The following PARM1 variants were observed in gnomAD, a reference collection of about 807,000 sequenced individuals.
PARM1 encodes WSC4, cell wall integrity and stress response component 4 homolog.
In PARM1, 14 loss-of-function variants were observed where a neutral mutation model predicts 24.6. The ratio of observed to expected loss-of-function variants is 0.57; its 90% CI spans 0.38 to 0.89. PARM1 has a LOEUF of 0.89. Ranked by LOEUF, PARM1 falls within the 40% of genes least tolerant of loss-of-function variation. The probability of loss-of-function intolerance (pLI) is 0.00; values close to 1 mark genes in which losing one functional copy is unlikely to be tolerated. For missense variants in PARM1, 362 were observed against 380.4 expected, an observed-to-expected ratio of 0.95 and a Z score of 0.40; for synonymous variants, 179 against 156.6, an observed-to-expected ratio of 1.14 and a Z score of -1.07.
At chr4:75,024,970 C>T (rs891223188) in intron 2 of PARM1, among the ~76,000 whole-genome samples, 2 of 152,248 alleles carry the variant, frequency 1.3e-5, no homozygotes, top group Admixed American at 6.5e-5. Context: ...GCCGGGATTA[C>T]AGGCGTAAGC....
intron 2 of PARM1, among the ~76,000 whole-genome samples, chr4:75,021,651 CCTT>C (rs1468261856): frequency 5.3e-5 from 8 of 152,010 alleles, no homozygotes; most frequent in Non-Finnish European, 2.9e-5. Flanking sequence ...TCTGTTGTTC[CCTT>C]CTTTGTGTCT....
intron 1 of PARM1, among the ~76,000 whole-genome samples, chr4:74,943,522 T>G (rs1394267603): frequency 6.6e-6 from 1 of 151,958 alleles, no homozygotes; most frequent in Non-Finnish European, 1.5e-5. Context: ...GAGTCAGGCC[T>G]TTAGTCTTCA....
At chr4:74,947,790 T>G (rs144527543) in intron 1 of PARM1, among the ~76,000 whole-genome samples, 1 of 152,324 alleles carries the variant, frequency 6.6e-6, no homozygotes, top group East Asian at 1.9e-4. Flanking sequence ...TCTCTCCTCC[T>G]TTGCAGATGA....
Position 74,936,309 on chromosome 4 carries a change from A to G in PARM1, c.43+2939A>G, listed in dbSNP as rs1284023656. Among the ~76,000 whole-genome samples the G allele has an allele frequency of 2.0e-5, 3 of 152,054 alleles. No individual in the cohort carries two copies. In the East Asian group the frequency reaches 5.8e-4, roughly 29 times the overall value. Reference sequence around the variant, plus strand: ...ATTAAAATACAAACCAGAGCCTCCAACCTTTATCCCCAAAACCAAGAAGGG... The same window carrying G: ...ATTAAAATACAAACCAGAGCCTCCAGCCTTTATCCCCAAAACCAAGAAGGG... On this transcript the variant is annotated intron_variant, in intron 1 of 3. Transcript: ENST00000307428.
chr4:74,964,460 T>G (rs1721855797), intron 1 of PARM1, among the ~76,000 whole-genome samples: 1 of 152,148 alleles, frequency 6.6e-6, no homozygotes, highest in South Asian at 2.1e-4. Context: ...CTTACTCAAG[T>G]CTTCAGATCA....
intron 1 of PARM1, among the ~76,000 whole-genome samples, chr4:74,979,613 A>G (rs1182560117): frequency 6.6e-6 from 1 of 152,224 alleles, no homozygotes; most frequent in Non-Finnish European, 1.5e-5. Context: ...TCATTTTATG[A>G]GGCCAGCACC....
Position 75,046,575 on chromosome 4 carries a change from G to T in PARM1, c.*328G>T. ...AGGACCGAGGAGGAGGATTTGGGTT[G>T]TTTTGTTAGGGGTTACTTTCAGGGG... On this transcript the variant is annotated 3_prime_UTR_variant, in exon 4 of 4. Coordinates refer to ENST00000307428, the MANE Select transcript of PARM1 (RefSeq NM_015393.4). 4.7e-6 allele frequency: 1 copy of T among 211,054 alleles called. No individual in the cohort carries two copies. The highest frequency in any genetic ancestry group is 9.5e-6 in the Non-Finnish European group (1 of 105,094). 13.1% of individuals were successfully genotyped at this position (211,054 alleles called of 1,614,324 possible). A position where few individuals can be genotyped will look rare whatever the true frequency, so the allele number is the denominator to read the frequency against.
chr4:75,036,819 T>C (rs1054650430), intron 3 of PARM1, among the ~76,000 whole-genome samples: 2 of 152,198 alleles, frequency 1.3e-5, no homozygotes, highest in Admixed American at 6.5e-5. Context: ...ACAGCTTCTG[T>C]CTCCTAAATG....
intron 1 of PARM1, among the ~76,000 whole-genome samples, chr4:74,939,322 G>C (rs112466264): frequency 7.9e-5 from 12 of 152,256 alleles, no homozygotes; most frequent in African/African-American, 2.6e-4. Context: ...TTTAGAGGCA[G>C]CATTCATGCC....
intron 1 of PARM1, among the ~76,000 whole-genome samples, chr4:75,005,708 C>T (rs528380513): frequency 1.8e-4 from 28 of 152,308 alleles, no homozygotes; most frequent in Middle Eastern, 3.4e-3. Context: ...GGACAATACA[C>T]GTGGAAACAT....
chr4:75,044,228 A>G (rs866928744), intron 3 of PARM1, among the ~76,000 whole-genome samples: 1 of 152,150 alleles, frequency 6.6e-6, no homozygotes, highest in Non-Finnish European at 1.5e-5. Flanking sequence ...GGGAGTGGTC[A>G]TTTTTTGTAC....
chr4:75,045,638 A>G (rs934587963), intron 3 of PARM1, among the ~76,000 whole-genome samples: 24 of 152,354 alleles, frequency 1.6e-4, no homozygotes, highest in African/African-American at 5.1e-4. Flanking sequence ...CTTGTCAGAG[A>G]AACAAGTTTA....
intron 1 of PARM1, among the ~76,000 whole-genome samples, chr4:74,965,877 T>C (rs1439624072): frequency 6.6e-6 from 1 of 152,140 alleles, no homozygotes; most frequent in Admixed American, 6.5e-5. Flanking sequence ...GCCAACTGAA[T>C]GCAATGGAGT....
intron 1 of PARM1, among the ~76,000 whole-genome samples, chr4:74,962,659 G>A (rs1721802016): frequency 6.6e-6 from 1 of 152,178 alleles, no homozygotes; most frequent in Non-Finnish European, 1.5e-5. Flanking sequence ...AGGCCAGTTA[G>A]CAAAAGAAAA....
chr4:74,945,035 T>G (rs1002503737), intron 1 of PARM1, among the ~76,000 whole-genome samples: 1 of 152,272 alleles, frequency 6.6e-6, no homozygotes, highest in Non-Finnish European at 1.5e-5. Flanking sequence ...AATTCAACAT[T>G]CATACTGGGC....
intron 3 of PARM1, among the ~76,000 whole-genome samples, chr4:75,043,381 C>T (rs533129734): frequency 8.1e-4 from 123 of 152,224 alleles, no homozygotes; most frequent in Non-Finnish European, 1.4e-3. Context: ...TATTCATTAC[C>T]TTATTTAATC....
intron 1 of PARM1, among the ~76,000 whole-genome samples, chr4:74,985,481 A>G (rs966749076): frequency 6.6e-6 from 1 of 152,220 alleles, no homozygotes; most frequent in Non-Finnish European, 1.5e-5. Flanking sequence ...TGAGAAGAAG[A>G]TGCTACTATT....
chr4:75,029,863 A>T (rs1723244212), intron 2 of PARM1, among the ~76,000 whole-genome samples: 2 of 151,606 alleles, frequency 1.3e-5, no homozygotes. Context: ...CTTTTTTAGG[A>T]CAATGATTAG....
chr4:75,026,179 A>C (rs1723179859), intron 2 of PARM1, among the ~76,000 whole-genome samples: 1 of 152,196 alleles, frequency 6.6e-6, no homozygotes, highest in South Asian at 2.1e-4. Context: ...ACTACTAATA[A>C]AGTTCAGGTT....
Sources: gnomAD v4.1 joint callset for allele counts (sites outside exome capture counted in the v4.1 genomes callset) on GRCh38, gnomAD v4.1.1 for gene constraint, MANE v1.5 for transcripts, NCBI Gene and HGNC (gene_info 2026-07-23, HGNC 2026-07-21) for gene names.